Variants in ZNF605 observed in about 807,000 individuals in gnomAD.
ZNF605 encodes the protein zinc finger protein 605.
ZNF605 carries 9 observed loss-of-function variants against 7.9 expected under a neutral mutation model. The observed-to-expected ratio is 1.14, with a 90% CI of 0.68 to 1.98. ZNF605 has a LOEUF of 1.98. Ranked by LOEUF, ZNF605 falls within the 30% of genes most tolerant of loss-of-function variation. The probability of loss-of-function intolerance (pLI) is 0.00; values close to 1 mark genes in which losing one functional copy is unlikely to be tolerated. For missense variants in ZNF605, 673 were observed against 762.4 expected (o/e 0.88, Z 1.38); for synonymous variants, 255 against 260.1 (o/e 0.98, Z 0.19).
At chr12:132,930,003 ATAAAG>A (rs1309496498) in intron 4 of ZNF605, among the ~76,000 whole-genome samples, 3 of 152,358 alleles carry the variant, frequency 2.0e-5, no homozygotes, top group Non-Finnish European at 2.9e-5. Flanking sequence ...ATAAACAATA[ATAAAG>A]TAGTTTATGT....
chr12:132,948,490 G>A (rs1952518985), intron 1 of ZNF605: 1 of 152,320 alleles, frequency 6.6e-6, no homozygotes, highest in Non-Finnish European at 1.5e-5. Context: ...GGCCCCACAG[G>A]CAAGGGGCTA....
chr12:132,939,697 G>A (rs1249216374), intron 3 of ZNF605, among the ~76,000 whole-genome samples: 6 of 152,236 alleles, frequency 3.9e-5, no homozygotes, highest in African/African-American at 1.2e-4. Context: ...GCCCGAGCCA[G>A]CAGTGGCAAC....
chr12:132,941,884 T>A lies in ZNF605; in HGVS notation c.15+3737A>T, dbSNP rs1047479513. 7.6e-4 allele frequency among the ~76,000 whole-genome samples: 116 copies of A among 152,238 alleles called. No individual in the cohort carries two copies. Among genetic ancestry groups the A allele is most frequent in the African/African-American group, 2.6e-3 (107 of 41,552 alleles). ...GCTGCCCTCCATCACGCACTCTTCT[T>A]CTCCAGTTACAGACACCTCAGACTC... On this transcript the variant is annotated intron_variant, in intron 3 of 4. Coordinates refer to ENST00000360187, the MANE Select transcript of ZNF605 (RefSeq NM_183238.4). The surrounding 1 kb of genome is among the most constrained non-coding windows in gnomAD (Gnocchi z 5.1).
At position 132,921,595 on chromosome 12, in the gene ZNF605, A is replaced by G. The variant is rs985796860; in HGVS notation, c.*3778T>C. 2 of 152,240 alleles carry G rather than the reference A, an allele frequency of 1.3e-5. No individual in the cohort carries two copies. Among genetic ancestry groups the G allele is most frequent in the Non-Finnish European group, 2.9e-5 (2 of 68,054 alleles). The allele number at this position is 152,240 out of a possible 1,614,324, so 9.4% of individuals were successfully genotyped here. On this transcript the variant is annotated 3_prime_UTR_variant, in exon 5 of 5. Coordinates refer to ENST00000360187, the MANE Select transcript of ZNF605 (RefSeq NM_183238.4). Reference sequence around the variant, plus strand: ...TCATTTCATTTGCAAGTTAATTCCTAAAAGATCAGAGCAGAGTGATACACA... The same window carrying G: ...TCATTTCATTTGCAAGTTAATTCCTGAAAGATCAGAGCAGAGTGATACACA...
chr12:132,949,826 T>C (rs4758919), intron 1 of ZNF605, among the ~76,000 whole-genome samples: 83,354 of 151,976 alleles, frequency 0.55, 23,322 homozygotes, highest in East Asian at 0.77. Context: ...TTCCTAGAAA[T>C]GGCGGGAAAG....
In ZNF605 at chr12:132,941,358, C is replaced by T. The variant is rs1392785856; in HGVS notation, c.15+4263G>A. ...CCCAAAGGTAGATTGCCAGGTCAAT[C>T]GGCCATGACATTCTCGGCAGGTAGA... On this transcript the variant is annotated intron_variant, in intron 3 of 4. Transcript: ENST00000360187. The surrounding 1 kb of genome is among the most constrained non-coding windows in gnomAD (Gnocchi z 5.1). Among the ~76,000 whole-genome samples the T allele has an allele frequency of 3.3e-5, 5 of 152,154 alleles. No individual in the cohort carries two copies. Among genetic ancestry groups the T allele is most frequent in the African/African-American group, 7.2e-5 (3 of 41,426 alleles).
At position 132,924,629 on chromosome 12, in the gene ZNF605, C is replaced by G. The variant is rs377514845; in HGVS notation, c.*744G>C. 6.6e-6 allele frequency: 1 copy of G among 152,240 alleles called. No individual in the cohort carries two copies. Among genetic ancestry groups the G allele is most frequent in the East Asian group, 1.9e-4 (1 of 5,204 alleles). 9.4% of individuals were successfully genotyped at this position (152,240 alleles called of 1,614,324 possible). On this transcript the variant is annotated 3_prime_UTR_variant, in exon 5 of 5. Transcript: ENST00000360187. Reference sequence around the variant, plus strand: ...GAACTGCAACCTAGGAACTGCCATGCGGGGGCAGGCTGAGAAACCATGGTG... The same window carrying G: ...GAACTGCAACCTAGGAACTGCCATGGGGGGGCAGGCTGAGAAACCATGGTG...
intron 3 of ZNF605, among the ~76,000 whole-genome samples, chr12:132,940,935 C>T (rs1952430322): frequency 1.3e-5 from 2 of 150,402 alleles, no homozygotes; most frequent in African/African-American, 2.4e-5. Context: ...CTGGCCCCAT[C>T]TTCGTGTCCA....
At chr12:132,953,043 T>G (rs1287910247) in intron 1 of ZNF605, among the ~76,000 whole-genome samples, 2 of 151,924 alleles carry the variant, frequency 1.3e-5, no homozygotes, top group Admixed American at 6.6e-5. Flanking sequence ...AGTCCCCCAG[T>G]CACTCACAGT....
chr12:132,925,704 G>C lies in ZNF605; in HGVS notation c.1595C>G (p.Pro532Arg), dbSNP rs1336444400. 6.2e-7 allele frequency: 1 copy of C among 1,614,114 alleles called. No homozygotes were observed. The highest frequency in any genetic ancestry group is 8.5e-7 in the Non-Finnish European group (1 of 1,180,018). ...TTTCCCACATTCACTGCATTCATAG[G>C]GTTTCTCCCCTGTATGAATTCTCTG... ...RHQRIHTGEK[P>R]YECSECGKAF... Residue 532 changes from proline to arginine, a missense_variant, in exon 5 of 5, where the codon CCC becomes CGC. Pro to Arg is a moderately radical substitution (Grantham distance 103, BLOSUM62 -2). Coordinates refer to ENST00000360187, the MANE Select transcript of ZNF605 (RefSeq NM_183238.4).
chr12:132,949,984 A>G (rs1020512148), intron 1 of ZNF605, among the ~76,000 whole-genome samples: 5 of 152,112 alleles, frequency 3.3e-5, no homozygotes, highest in Middle Eastern at 3.4e-3. Flanking sequence ...GAGCCCAGAG[A>G]TTGGCATCCA....
chr12:132,922,074 G>T lies in ZNF605; in HGVS notation c.*3299C>A, dbSNP rs1278603. On this transcript the variant is annotated 3_prime_UTR_variant, in exon 5 of 5. Transcript: ENST00000360187. ...GTAATCTTGACTACTGAAGGGTAAA[G>T]ACTTGCCCACAGGTTAGAGATTACA... 0.42 allele frequency: 63,270 copies of T among 152,086 alleles called. 13,962 individuals carry two copies. The highest frequency in any genetic ancestry group is 0.54 in the Middle Eastern group (160 of 294). The allele number at this position is 152,086 out of a possible 1,614,324, so 9.4% of individuals were successfully genotyped here. A position where few individuals can be genotyped will look rare whatever the true frequency, so the allele number is the denominator to read the frequency against.
chr12:132,930,406 T>C lies in ZNF605; in HGVS notation c.136+2629A>G, dbSNP rs773896980. Among the ~76,000 whole-genome samples the C allele has an allele frequency of 1.4e-3, 207 of 152,302 alleles. 3 individuals are homozygous for C. Among genetic ancestry groups the C allele is most frequent in the Non-Finnish European group, 2.5e-3 (170 of 68,022 alleles). On this transcript the variant is annotated intron_variant, in intron 4 of 4. Coordinates refer to ENST00000360187, the MANE Select transcript of ZNF605 (RefSeq NM_183238.4). Reference sequence around the variant, plus strand: ...TCTTTCCTTCATAGTACTTATCAAATAGGTAATCCTCTTACTCGTGTCTCT... The same window carrying C: ...TCTTTCCTTCATAGTACTTATCAAACAGGTAATCCTCTTACTCGTGTCTCT...
In ZNF605 at chr12:132,926,095, A is replaced by C. The variant is rs780483580; in HGVS notation, c.1204T>G (p.Phe402Val). The C allele has an allele frequency of 3.1e-6, 5 of 1,614,114 alleles. No individual in the cohort carries two copies. The African/African-American group carries it at 5.3e-5, about 17-fold the overall frequency. ...NYRCSDCEEA[F>V]FKKSELIRHQ... is the part of the protein sequence containing the mutation. Reference sequence around the variant, plus strand: ...CTTATTAACTCTGACTTCTTAAAGAAGGCCTCCTCACAATCACTGCATCGA... The same window carrying C: ...CTTATTAACTCTGACTTCTTAAAGACGGCCTCCTCACAATCACTGCATCGA... Residue 402 changes from phenylalanine (F) to valine (V), a missense_variant, in exon 5 of 5, where the codon TTC (phenylalanine) becomes GTC (valine). Phe to Val is a conservative substitution (Grantham distance 50, BLOSUM62 -1). Coordinates refer to ENST00000360187, the MANE Select transcript of ZNF605 (RefSeq NM_183238.4).
intron 1 of ZNF605, among the ~76,000 whole-genome samples, chr12:132,949,022 G>C (rs1952527871): frequency 6.6e-6 from 1 of 152,164 alleles, no homozygotes. Context: ...TATCTGTTGG[G>C]GGAAAGGCTT....
At chr12:132,949,477 A>C (rs988807463) in intron 1 of ZNF605, among the ~76,000 whole-genome samples, 1 of 151,756 alleles carries the variant, frequency 6.6e-6, no homozygotes, top group African/African-American at 2.4e-5. Flanking sequence ...CCTGGCCCTC[A>C]CTCTTTATGC....
chr12:132,926,310 G>C lies in ZNF605; in HGVS notation c.989C>G (p.Thr330Ser). ...WKSQLITHQR[T>S]HTGKKPYGCG... ...TCCGTAAGGTTTCTTCCCTGTGTGG[G>C]TCCTCTGATGAGTAATCAGCTGCGA... The change falls in exon 5 of 5, where the codon ACC (threonine) becomes AGC (serine). Residue 330 changes from threonine (T) to serine (S), a missense_variant. Coordinates refer to ENST00000360187, the MANE Select transcript of ZNF605 (RefSeq NM_183238.4). 1 of 1,614,016 alleles carries C rather than the reference G, an allele frequency of 6.2e-7. No individual in the cohort carries two copies. Among genetic ancestry groups the C allele is most frequent in the East Asian group, 2.2e-5 (1 of 44,858 alleles).
Position 132,926,386 on chromosome 12 carries a change from C to T in ZNF605, c.913G>A (p.Gly305Arg). The change falls in exon 5 of 5, where the codon GGA (glycine) becomes AGA (arginine). Residue 305 changes from glycine (G) to arginine (R), a missense_variant. Physicochemically the swap from Gly to Arg is moderately radical, Grantham distance 125 (BLOSUM62 -2). Transcript: ENST00000360187. ...TGACTACATGGATAGGGTTTCTCTC[C>T]TGTGTGCGCTCTCTGATGTGTGATG... The part of the protein sequence containing the change: ...KLITHQRAHT[G>R]EKPYPCSHCG... 3.1e-6 allele frequency: 5 copies of T among 1,614,168 alleles called. No individual in the cohort carries two copies. The East Asian group carries it at 8.9e-5, about 29-fold the overall frequency.
chr12:132,947,859 T>C (rs1207870282), intron 2 of ZNF605, among the ~76,000 whole-genome samples: 3 of 151,470 alleles, frequency 2.0e-5, no homozygotes, highest in Admixed American at 2.0e-4. Flanking sequence ...AACCTCCACC[T>C]CCAAACTTTT....
Sources: gnomAD v4.1 joint callset for allele counts (sites outside exome capture counted in the v4.1 genomes callset) on GRCh38, gnomAD v4.1.1 for gene constraint, Gnocchi (gnomAD v3.1) non-coding constraint, MANE v1.5 for transcripts, NCBI Gene and HGNC (gene_info 2026-07-23, HGNC 2026-07-21) for gene names.